The following BTBD16 variants were observed in gnomAD, a reference collection of about 807,000 sequenced individuals.
BTBD16 encodes the protein BTB/POZ domain-containing protein 16.
BTBD16 carries 66 observed loss-of-function variants against 67.4 expected under a neutral mutation model. The ratio of observed to expected loss-of-function variants is 0.98; its 90% CI spans 0.80 to 1.20. BTBD16 has a LOEUF of 1.20. BTBD16 is among the 50% of genes most tolerant of loss of function. BTBD16 has a pLI of 0.00. For synonymous variants in BTBD16, 242 were observed against 236.4 expected, an observed-to-expected ratio of 1.02 and a Z score of -0.22; for missense variants, 634 against 616.0, an observed-to-expected ratio of 1.03 and a Z score of -0.31.
intron 1 of BTBD16, among the ~76,000 whole-genome samples, chr10:122,272,084 A>C (rs2096329846): frequency 6.6e-6 from 1 of 152,264 alleles, no homozygotes; most frequent in Admixed American, 6.5e-5. Flanking sequence ...GGAGTTCATC[A>C]TCCTGGCTCC....
chr10:122,284,259 G>A (rs111306445), intron 4 of BTBD16, among the ~76,000 whole-genome samples: 4,070 of 152,162 alleles, frequency 0.027, 68 homozygotes, highest in Middle Eastern at 0.082. Flanking sequence ...GACCAGCCTC[G>A]CCAACATGGT....
At position 122,288,598 on chromosome 10, in the gene BTBD16, G is replaced by A. The variant is rs564115280; in HGVS notation, c.386-1311G>A. On this transcript the variant is annotated intron_variant, in intron 5 of 15. Transcript: ENST00000260723. Reference sequence around the variant, plus strand: ...GTGTGAGCCTGGGATGGGCCCAGTGGGTGGAGCGGCAAGTGAACCACCTCA... The same window carrying A: ...GTGTGAGCCTGGGATGGGCCCAGTGAGTGGAGCGGCAAGTGAACCACCTCA... Among the ~76,000 whole-genome samples, 6 of 134,148 alleles carry A rather than the reference G, an allele frequency of 4.5e-5. No homozygotes were observed. The South Asian group carries it at 1.5e-3, about 33-fold the overall frequency. The allele number at this position is 134,148 out of a possible 152,430, so 88.0% of individuals were successfully genotyped here.
At chr10:122,292,134 C>T (rs1388922667) in intron 7 of BTBD16, among the ~76,000 whole-genome samples, 1 of 152,166 alleles carries the variant, frequency 6.6e-6, no homozygotes, top group Non-Finnish European at 1.5e-5. Context: ...AACCTGGGTC[C>T]GTGCAGGGTC....
At chr10:122,287,361 G>A (rs2096365833) in intron 5 of BTBD16, 1 of 898,026 alleles carries the variant, frequency 1.1e-6, no homozygotes, top group Non-Finnish European at 1.3e-6. Context: ...AAGTGGAAAT[G>A]GAGTCATTAA....
intron 10 of BTBD16, among the ~76,000 whole-genome samples, chr10:122,324,561 A>G (rs1408465239): frequency 1.3e-5 from 2 of 152,192 alleles, no homozygotes; most frequent in African/African-American, 4.8e-5. Flanking sequence ...GAAATATCCC[A>G]TGAGTCATGG....
rs1179280879 is a variant in BTBD16, at chr10:122,287,589, T to TA, written c.385+1341_385+1342insA. 4 of 539,500 alleles carry TA rather than the reference T, an allele frequency of 7.4e-6. No individual in the cohort carries two copies. In the African/African-American group the frequency reaches 8.3e-5, roughly 11 times the overall value. The allele number at this position is 539,500 out of a possible 1,614,324, so 33.4% of individuals were successfully genotyped here. On this transcript the variant is annotated intron_variant, in intron 5 of 15. Coordinates refer to ENST00000260723, the MANE Select transcript of BTBD16 (RefSeq NM_144587.5). ...CCGATCAAGCCATGGGATTCACGTC[T>TA]TTCAATAGGAACAGTCACAGTCCTT...
At chr10:122,274,554 A>G (rs769938822) in intron 1 of BTBD16, among the ~76,000 whole-genome samples, 3 of 152,138 alleles carry the variant, frequency 2.0e-5, no homozygotes, top group Non-Finnish European at 4.4e-5. Context: ...CAGCCCTGAT[A>G]ATGTTCAGAG....
chr10:122,303,638 A>G (rs763499899), intron 9 of BTBD16: 12 of 819,278 alleles, frequency 1.5e-5, no homozygotes, highest in African/African-American at 7.5e-5. Flanking sequence ...TTTATTGTTT[A>G]TATATAATTT....
chr10:122,324,458 C>G (rs1193664693), intron 10 of BTBD16, among the ~76,000 whole-genome samples: 1 of 152,234 alleles, frequency 6.6e-6, no homozygotes, highest in African/African-American at 2.4e-5. Context: ...TCTTGTGATT[C>G]ATGAATGGCA....
intron 5 of BTBD16, among the ~76,000 whole-genome samples, chr10:122,288,087 C>G (rs1412027026): frequency 6.6e-6 from 1 of 152,046 alleles, no homozygotes; most frequent in Non-Finnish European, 1.5e-5. Flanking sequence ...TTATGCCAGG[C>G]ATTGTGCTAG....
At chr10:122,303,302 C>A (rs1375284088) in intron 9 of BTBD16, among the ~76,000 whole-genome samples, 1 of 152,210 alleles carries the variant, frequency 6.6e-6, no homozygotes, top group Non-Finnish European at 1.5e-5. Context: ...ACTCTTACCA[C>A]ATGAATAATA....
Position 122,284,768 on chromosome 10 carries a change from A to C in BTBD16, c.241+844A>C, listed in dbSNP as rs2096360307. ...ACTCCTTTCCAAAGAAAGGCTAATA[A>C]ATTCTTTTCTCTCCTTCAACTCTGA... is the stretch of plus-strand genomic sequence containing the variant. On this transcript the variant is annotated intron_variant, in intron 4 of 15. Transcript: ENST00000260723. Among the ~76,000 whole-genome samples, 3 of 151,186 alleles carry C rather than the reference A, an allele frequency of 2.0e-5. No individual in the cohort carries two copies. The South Asian group carries it at 6.3e-4, about 32-fold the overall frequency.
At chr10:122,306,945 G>A (rs1336327334) in intron 9 of BTBD16, among the ~76,000 whole-genome samples, 4 of 152,108 alleles carry the variant, frequency 2.6e-5, no homozygotes, top group East Asian at 1.9e-4. Context: ...ATTGTTTTGC[G>A]GGGCACAGAG....
At chr10:122,300,159 T>G (rs1201024714) in intron 9 of BTBD16, among the ~76,000 whole-genome samples, 1 of 152,210 alleles carries the variant, frequency 6.6e-6, no homozygotes, top group Non-Finnish European at 1.5e-5. Flanking sequence ...CTCAGATTCT[T>G]TCCCACATTA....
Position 122,291,196 on chromosome 10 carries a change from T to A in BTBD16, c.590+2T>A. ...CCAGTTCAGTGGCCTGTTTCAAAGG[T>A]AAGGAAACAAGGCTGACTTTGGGCA... is the stretch of plus-strand genomic sequence containing the variant. On this transcript the variant is annotated splice_donor_variant, in intron 7 of 15. Transcript: ENST00000260723. LOFTEE classifies it high-confidence loss of function. The A allele has an allele frequency of 6.2e-7, 1 of 1,607,338 alleles. No homozygotes were observed. Among genetic ancestry groups the A allele is most frequent in the South Asian group, 1.1e-5 (1 of 89,826 alleles).
intron 5 of BTBD16, among the ~76,000 whole-genome samples, chr10:122,289,391 T>G (rs537892427): frequency 2.0e-4 from 31 of 152,320 alleles, no homozygotes; most frequent in African/African-American, 7.2e-4. Context: ...CTCTGCACTC[T>G]TTTTGCAACT....
intron 9 of BTBD16, among the ~76,000 whole-genome samples, chr10:122,300,465 G>A (rs758898681): frequency 7.2e-5 from 11 of 151,988 alleles, no homozygotes; most frequent in East Asian, 3.9e-4. Context: ...GCGTCTCTAC[G>A]TGTATCTACA....
intron 5 of BTBD16, 72 bp downstream of exon 5, chr10:122,286,320 G>GT: frequency 6.6e-7 from 1 of 1,520,978 alleles, no homozygotes; most frequent in Non-Finnish European, 8.8e-7. Context: ...TTGGAACATG[G>GT]TTATCTGTTT....
chr10:122,331,206 A>T lies in BTBD16; in HGVS notation c.1034A>T (p.Asn345Ile). The T allele has an allele frequency of 6.2e-7, 1 of 1,613,252 alleles. No homozygotes were observed. The highest frequency in any genetic ancestry group is 8.5e-7 in the Non-Finnish European group (1 of 1,179,676). Residue 345 changes from asparagine to isoleucine, a missense_variant, in exon 12 of 16, where the codon AAC becomes ATC. Asn to Ile is a moderately radical substitution (Grantham distance 149, BLOSUM62 -3). Transcript: ENST00000260723. The stretch of plus-strand genomic sequence containing the variant: ...GATCTGGAGGTGCTGCGGCACCTTA[A>T]CTTCTTCCCAGAGTCATGGCTCGAC... ...GKDLEVLRHL[N>I]FFPESWLDQV...
Sources: allele counts gnomAD v4.1 joint callset (sites outside exome capture counted in the v4.1 genomes callset), GRCh38; gene constraint gnomAD v4.1.1; transcripts MANE v1.5; gene names NCBI Gene and HGNC (gene_info 2026-07-23, HGNC 2026-07-21).